The following HAPSTR1 variants were observed in gnomAD, a reference collection of about 807,000 sequenced individuals.
The protein encoded by HAPSTR1 is HUWE1 associated protein modifying stress responses, also known as HUWE1-associated protein modifying stress responses 1.
chr16:9,108,213 A>T, the HAPSTR1 span: 1 of 152,138 alleles, frequency 6.6e-6, no homozygotes, highest in African/African-American at 2.4e-5. Flanking sequence ...GGTTATTAAC[A>T]CTGTTGATGA....
chr16:9,102,949 A>G, the HAPSTR1 span: 16 of 1,601,446 alleles, frequency 1.0e-5, no homozygotes, highest in Admixed American at 8.5e-5. Flanking sequence ...TCTAATGGTC[A>G]TGATACATGT....
At chr16:9,118,998 T>G in the HAPSTR1 span, 1 of 152,682 alleles carries the variant, frequency 6.5e-6, no homozygotes, top group Non-Finnish European at 1.5e-5. Flanking sequence ...TTTTCTTTGG[T>G]AAGAGAAAGC....
At chr16:9,101,870 C>A in the HAPSTR1 span, among the ~76,000 whole-genome samples, 3 of 152,040 alleles carry the variant, frequency 2.0e-5, no homozygotes, top group African/African-American at 7.2e-5. Context: ...GCCTGTAATC[C>A]CCAGCACTTT....
the HAPSTR1 span, chr16:9,102,969 CT>C: frequency 1.2e-6 from 2 of 1,607,944 alleles, no homozygotes; most frequent in African/African-American, 1.3e-5. Context: ...TTTTCTTTTT[CT>C]TTTTTTCTAA....
At chr16:9,094,048 C>G in the HAPSTR1 span, among the ~76,000 whole-genome samples, 1 of 152,068 alleles carries the variant, frequency 6.6e-6, no homozygotes, top group Non-Finnish European at 1.5e-5. Context: ...TGCTGCTTGA[C>G]TGTCAAGTTG....
the HAPSTR1 span, chr16:9,102,969 C>T: frequency 6.2e-7 from 1 of 1,608,044 alleles, no homozygotes; most frequent in Admixed American, 1.7e-5. Context: ...TTTTCTTTTT[C>T]TTTTTTTCTA....
At chr16:9,093,061 G>T in the HAPSTR1 span, 18 of 1,480,852 alleles carry the variant, frequency 1.2e-5, no homozygotes, top group Non-Finnish European at 1.6e-5. Flanking sequence ...CAGGGTGTCT[G>T]CCCTGCGTTC....
the HAPSTR1 span, among the ~76,000 whole-genome samples, chr16:9,113,512 T>C: frequency 6.6e-6 from 1 of 152,344 alleles, no homozygotes; most frequent in South Asian, 2.1e-4. Flanking sequence ...CCATATTTGT[T>C]GTTAGGTATT....
the HAPSTR1 span, among the ~76,000 whole-genome samples, chr16:9,100,265 G>A: frequency 9.9e-5 from 15 of 152,158 alleles, no homozygotes; most frequent in Non-Finnish European, 1.9e-4. Flanking sequence ...TTACATAAGT[G>A]TCTTACATCT....
At chr16:9,120,550 A>G in the HAPSTR1 span, 3 of 151,354 alleles carry the variant, frequency 2.0e-5, no homozygotes, top group African/African-American at 4.9e-5. Flanking sequence ...CAAGTTTTCG[A>G]TGGCCCCTCA....
the HAPSTR1 span, chr16:9,112,620 C>G: frequency 6.6e-6 from 1 of 152,216 alleles, no homozygotes; most frequent in East Asian, 1.9e-4. Flanking sequence ...AACTATGTGC[C>G]TGGAAACTGA....
the HAPSTR1 span, among the ~76,000 whole-genome samples, chr16:9,098,293 A>G: frequency 5.9e-5 from 9 of 152,174 alleles, no homozygotes; most frequent in African/African-American, 1.4e-4. Flanking sequence ...AGATCAGGCC[A>G]TTGCACTCCA....
chr16:9,103,086 C>G, the HAPSTR1 span: 2 of 1,614,174 alleles, frequency 1.2e-6, no homozygotes, highest in Non-Finnish European at 1.7e-6. Flanking sequence ...CGCAGAAGAA[C>G]TATTCGTCGA....
the HAPSTR1 span, chr16:9,119,515 TC>T: frequency 6.6e-6 from 1 of 152,230 alleles, no homozygotes; most frequent in South Asian, 2.1e-4. Context: ...TTGAAGTTCA[TC>T]CTTAGACTGC....
At chr16:9,105,622 G>A in the HAPSTR1 span, 1 of 152,104 alleles carries the variant, frequency 6.6e-6, no homozygotes, top group Non-Finnish European at 1.5e-5. Flanking sequence ...AACTGTTAAG[G>A]TGCTCTTTTA....
the HAPSTR1 span, among the ~76,000 whole-genome samples, chr16:9,102,721 C>T: frequency 2.6e-5 from 4 of 152,074 alleles, no homozygotes; most frequent in Non-Finnish European, 4.4e-5. Flanking sequence ...GATACCTAAT[C>T]TCTCTGTTTC....
At chr16:9,098,753 T>C in the HAPSTR1 span, among the ~76,000 whole-genome samples, 3 of 152,260 alleles carry the variant, frequency 2.0e-5, no homozygotes, top group Non-Finnish European at 4.4e-5. Context: ...GTCAGTAGTA[T>C]TTCTTTAGAA....
the HAPSTR1 span, among the ~76,000 whole-genome samples, chr16:9,115,731 A>C: frequency 6.6e-6 from 1 of 152,172 alleles, no homozygotes; most frequent in East Asian, 1.9e-4. Flanking sequence ...TCTCCTCCTT[A>C]GCCTCCCGAG....
chr16:9,116,855 C>G, the HAPSTR1 span: 1 of 1,614,178 alleles, frequency 6.2e-7, no homozygotes. Flanking sequence ...GTACCTCAGC[C>G]CAGTGTGGCG....
Sources: allele counts gnomAD v4.1 joint callset (sites outside exome capture counted in the v4.1 genomes callset), GRCh38; gene constraint gnomAD v4.1.1; transcripts MANE v1.5; gene names NCBI Gene and HGNC (gene_info 2026-07-23, HGNC 2026-07-21).